PSMA8: variants seen among roughly 807,000 people sequenced by gnomAD.
PSMA8 encodes the protein proteasome subunit alpha-type 8.
PSMA8 carries 18 observed loss-of-function variants against 32.4 expected under a neutral mutation model. That is an observed-to-expected ratio of 0.56 (90% CI 0.38 to 0.82). The LOEUF (loss-of-function observed/expected upper bound fraction) is 0.82, where lower values mean the gene tolerates loss of function less well. Ranked by LOEUF, PSMA8 falls within the 40% of genes least tolerant of loss-of-function variation. The pLI is 0.00. For synonymous variants in PSMA8, 104 were observed against 98.1 expected, an observed-to-expected ratio of 1.06 and a Z score of -0.36; for missense variants, 298 against 300.7, an observed-to-expected ratio of 0.99 and a Z score of 0.07.
intron 4 of PSMA8, among the ~76,000 whole-genome samples, chr18:26,159,758 T>C (rs1050017165): frequency 2.6e-5 from 4 of 152,046 alleles, no homozygotes; most frequent in Non-Finnish European, 4.4e-5. Flanking sequence ...AACTCTGCTC[T>C]GCTCTGGTGT....
intron 4 of PSMA8, among the ~76,000 whole-genome samples, chr18:26,158,660 A>G (rs1161834239): frequency 1.4e-4 from 22 of 152,332 alleles, no homozygotes; most frequent in Admixed American, 1.2e-3. Context: ...AGAGCACCCT[A>G]AACTATGAAT....
At chr18:26,166,054 G>A (rs1184288740) in intron 4 of PSMA8, among the ~76,000 whole-genome samples, 1 of 151,890 alleles carries the variant, frequency 6.6e-6, no homozygotes, top group Non-Finnish European at 1.5e-5. Context: ...GTGAGCCAAG[G>A]TCCTGCCATT....
At chr18:26,158,388 A>T in intron 4 of PSMA8, 144 bp downstream of exon 4, 1 of 697,860 alleles carries the variant, frequency 1.4e-6, no homozygotes, top group Non-Finnish European at 2.3e-6. Flanking sequence ...GTCAGAAACT[A>T]CAATGATTTT....
rs187776240 is a variant in PSMA8 at position 26,170,796 on chromosome 18, G to A, written c.478-8034G>A. The A allele has an allele frequency of 1.8e-4, 285 of 1,555,728 alleles. 30 individuals are homozygous for A. Among genetic ancestry groups the A allele is most frequent in the Admixed American group, 1.1e-3 (63 of 54,956 alleles). On this transcript the variant is annotated intron_variant, in intron 4 of 6. Coordinates refer to ENST00000415576, the MANE Select transcript of PSMA8 (RefSeq NM_001025096.2). ...CTCCTGGACATCAGAGAGAACACCT[G>A]GGTATTCTGGCAGAAGTTTATATTT...
At chr18:26,163,213 GTATATATA>G (rs58945617) in intron 4 of PSMA8, among the ~76,000 whole-genome samples, 6,732 of 80,534 alleles carry the variant, frequency 0.084, 370 homozygotes, top group Non-Finnish European at 0.1. Flanking sequence ...ATGTGTGTGT[GTATATATA>G]TATATATATA....
chr18:26,183,583 T>C (rs2144353454), intron 6 of PSMA8, among the ~76,000 whole-genome samples: 1 of 150,818 alleles, frequency 6.6e-6, no homozygotes, highest in African/African-American at 2.4e-5. Flanking sequence ...ATTGCTGCAA[T>C]CTTGTGATAA....
intron 4 of PSMA8, among the ~76,000 whole-genome samples, chr18:26,158,846 AC>A: frequency 6.6e-6 from 1 of 152,198 alleles, no homozygotes; most frequent in South Asian, 2.1e-4. Flanking sequence ...GGTAGTACAC[AC>A]CCATGGTTCC....
At chr18:26,189,152 C>A (rs1893326945) in intron 6 of PSMA8, among the ~76,000 whole-genome samples, 1 of 152,018 alleles carries the variant, frequency 6.6e-6, no homozygotes, top group Non-Finnish European at 1.5e-5. Flanking sequence ...AGAGAAAAAA[C>A]AATAATCTGA....
chr18:26,145,329 GCTGGTCTTGAACTCCTGACCT>G (rs1189956639), intron 2 of PSMA8, among the ~76,000 whole-genome samples: 1 of 152,014 alleles, frequency 6.6e-6, no homozygotes. Flanking sequence ...TGTTGGTCAG[GCTGGTCTTGAACTCCTGACCT>G]CGGGTGATCC....
intron 1 of PSMA8, among the ~76,000 whole-genome samples, chr18:26,138,696 A>G (rs1343191457): frequency 6.6e-6 from 1 of 152,228 alleles, no homozygotes; most frequent in Non-Finnish European, 1.5e-5. Context: ...ACCAGTTAGT[A>G]TTCTGTGGAA....
chr18:26,146,971 C>T (rs1048366818), intron 2 of PSMA8, among the ~76,000 whole-genome samples: 1 of 151,992 alleles, frequency 6.6e-6, no homozygotes, highest in Non-Finnish European at 1.5e-5. Context: ...TGAGACATCT[C>T]ACATGGCCAG....
chr18:26,150,307 T>C (rs2055035276), intron 2 of PSMA8, among the ~76,000 whole-genome samples: 1 of 152,160 alleles, frequency 6.6e-6, no homozygotes, highest in Non-Finnish European at 1.5e-5. Flanking sequence ...CAAAGTGAAA[T>C]TGTAATTTTA....
At chr18:26,172,909 T>G (rs546453548) in intron 4 of PSMA8, among the ~76,000 whole-genome samples, 8 of 152,278 alleles carry the variant, frequency 5.3e-5, no homozygotes, top group Admixed American at 1.3e-4. Context: ...TGAACAAGCT[T>G]CTTCTTTTTC....
intron 1 of PSMA8, among the ~76,000 whole-genome samples, chr18:26,143,601 ATGG>A (rs1299283778): frequency 6.6e-6 from 1 of 152,228 alleles, no homozygotes; most frequent in Non-Finnish European, 1.5e-5. Flanking sequence ...TTTGAACTGA[ATGG>A]TGGTAGGAGA....
chr18:26,179,510 C>A (rs9955678), intron 6 of PSMA8, among the ~76,000 whole-genome samples: 1 of 151,990 alleles, frequency 6.6e-6, no homozygotes, highest in Non-Finnish European at 1.5e-5. Context: ...AACTTTAATA[C>A]GTAGCACGAT....
intron 6 of PSMA8, among the ~76,000 whole-genome samples, chr18:26,179,977 G>A (rs996904006): frequency 2.0e-5 from 3 of 151,466 alleles, no homozygotes; most frequent in Non-Finnish European, 4.4e-5. Context: ...GTTGCCAGAT[G>A]CGGTGGCTCA....
rs71169816 is a variant in PSMA8 at position 26,134,367 on chromosome 18, C to CTGTGTG, written c.102+316_102+321dup. Among the ~76,000 whole-genome samples the CTGTGTG allele has an allele frequency of 4.0e-3, 525 of 131,988 alleles. 4 individuals are homozygous for CTGTGTG. The highest frequency in any genetic ancestry group is 0.015 in the African/African-American group (441 of 28,590). The allele number at this position is 131,988 out of a possible 152,430, so 86.6% of individuals were successfully genotyped here. A position where few individuals can be genotyped will look rare whatever the true frequency, so the allele number is the denominator to read the frequency against. ...TGTGTGTGTGTGTGTGTGTGTGTCTCTGTGTGTGTGTGTGTGTGTGTAGGG... is the reference window on the plus strand; with the variant it reads ...TGTGTGTGTGTGTGTGTGTGTGTCTCTGTGTGTGTGTGTGTGTGTGTGTGTGTAGGG... On this transcript the variant is annotated intron_variant, in intron 1 of 6. Coordinates refer to ENST00000415576, the MANE Select transcript of PSMA8 (RefSeq NM_001025096.2).
At chr18:26,166,116 A>T (rs186248770) in intron 4 of PSMA8, among the ~76,000 whole-genome samples, 31 of 152,252 alleles carry the variant, frequency 2.0e-4, no homozygotes, top group Middle Eastern at 3.4e-3. Context: ...AGAAAAAGAA[A>T]AAAAGAAAAG....
chr18:26,165,398 C>T lies in PSMA8; in HGVS notation c.477+7154C>T, dbSNP rs62087800. Among the ~76,000 whole-genome samples the T allele has an allele frequency of 3.3e-3, 502 of 152,106 alleles. 4 individuals carry two copies. The highest frequency in any genetic ancestry group is 0.011 in the African/African-American group (439 of 41,496). ...AGTTCATGAATCCAAGCAAAGAGTG[C>T]GGTGTTAGTTGTTCGTTGTACTTTA... On this transcript the variant is annotated intron_variant, in intron 4 of 6. Coordinates refer to ENST00000415576, the MANE Select transcript of PSMA8 (RefSeq NM_001025096.2).
Sources: gnomAD v4.1 joint callset for allele counts (sites outside exome capture counted in the v4.1 genomes callset) on GRCh38, gnomAD v4.1.1 for gene constraint, MANE v1.5 for transcripts, NCBI Gene and HGNC (gene_info 2026-07-23, HGNC 2026-07-21) for gene names.